Variants in TWSG1 observed in about 807,000 individuals in gnomAD.
TWSG1 encodes the protein twisted gastrulation protein homolog 1.
A neutral mutation model predicts 23.0 loss-of-function variants in TWSG1; 15 were observed. The ratio of observed to expected loss-of-function variants is 0.65; its 90% CI spans 0.44 to 1.00. TWSG1 has a LOEUF of 1.00. Among genes scored for constraint, TWSG1 ranks in the 50% least tolerant of loss-of-function variants. TWSG1 has a pLI of 0.00. For synonymous variants in TWSG1, 86 were observed against 92.8 expected (o/e 0.93, Z 0.42); for missense variants, 242 against 278.7 (o/e 0.87, Z 0.94).
At chr18:9,389,198 A>G (rs2040699954) in intron 3 of TWSG1, among the ~76,000 whole-genome samples, 1 of 151,574 alleles carries the variant, frequency 6.6e-6, no homozygotes, top group South Asian at 2.1e-4. Flanking sequence ...CTGGTCTCGA[A>G]CTCCTGACCT....
chr18:9,365,474 C>A (rs1006791128), intron 3 of TWSG1, among the ~76,000 whole-genome samples: 41 of 152,016 alleles, frequency 2.7e-4, no homozygotes, highest in African/African-American at 9.4e-4. Context: ...TGAGACCAAC[C>A]TGGGCAACAT....
At chr18:9,345,024 G>A (rs527662590) in intron 2 of TWSG1, among the ~76,000 whole-genome samples, 5 of 152,246 alleles carry the variant, frequency 3.3e-5, no homozygotes, top group Admixed American at 6.5e-5. Context: ...CTCTCAAAGC[G>A]CTGGAATTAC....
At chr18:9,339,040 A>G (rs1461395358) in intron 2 of TWSG1, among the ~76,000 whole-genome samples, 3 of 151,900 alleles carry the variant, frequency 2.0e-5, no homozygotes, top group Non-Finnish European at 4.4e-5. Context: ...CTCTACAACA[A>G]ATAGTTTTTT....
intron 2 of TWSG1, among the ~76,000 whole-genome samples, chr18:9,350,028 T>C (rs1487487624): frequency 6.6e-6 from 1 of 152,070 alleles, no homozygotes; most frequent in East Asian, 1.9e-4. Flanking sequence ...TAATCCCAGC[T>C]ACTCAGGAGG....
At position 9,400,179 on chromosome 18, in the gene TWSG1, A is replaced by G. The variant is rs2040756314; in HGVS notation, c.*652A>G. 6.6e-6 allele frequency: 1 copy of G among 152,204 alleles called. No homozygotes were observed. Among genetic ancestry groups the G allele is most frequent in the African/African-American group, 2.4e-5 (1 of 41,454 alleles). 9.4% of individuals were successfully genotyped at this position (152,204 alleles called of 1,614,324 possible). A position where few individuals can be genotyped will look rare whatever the true frequency, so the allele number is the denominator to read the frequency against. On this transcript the variant is annotated 3_prime_UTR_variant, in exon 5 of 5. Coordinates refer to ENST00000262120, the MANE Select transcript of TWSG1 (RefSeq NM_020648.6). ...GACAAAGCTTTAGAGAAAGTTTCCT[A>G]TTCTCTTCCATTTCCCCTGCCCAAA... is the stretch of plus-strand genomic sequence containing the variant.
At chr18:9,365,107 G>C (rs2040571710) in intron 3 of TWSG1, among the ~76,000 whole-genome samples, 1 of 152,014 alleles carries the variant, frequency 6.6e-6, no homozygotes, top group African/African-American at 2.4e-5. Context: ...GATCACTTGA[G>C]CCCAGGAGTT....
At chr18:9,349,462 A>G (rs1162316809) in intron 2 of TWSG1, among the ~76,000 whole-genome samples, 2 of 152,202 alleles carry the variant, frequency 1.3e-5, no homozygotes, top group African/African-American at 4.8e-5. Context: ...TGCTAAATTG[A>G]CAGTCTGCTT....
intron 2 of TWSG1, among the ~76,000 whole-genome samples, chr18:9,338,432 A>C (rs1301681159): frequency 6.6e-6 from 1 of 152,222 alleles, no homozygotes; most frequent in Non-Finnish European, 1.5e-5. Flanking sequence ...TAGTTACTGC[A>C]GTCACTACCT....
intron 4 of TWSG1, among the ~76,000 whole-genome samples, chr18:9,397,322 T>C (rs2040742092): frequency 6.6e-6 from 1 of 152,224 alleles, no homozygotes; most frequent in Non-Finnish European, 1.5e-5. Context: ...CCAAAGTCAT[T>C]AGCTAAATTT....
intron 3 of TWSG1, among the ~76,000 whole-genome samples, chr18:9,365,090 G>A (rs1454250343): frequency 6.6e-6 from 1 of 152,176 alleles, no homozygotes; most frequent in African/African-American, 2.4e-5. Context: ...GGAGGCCACA[G>A]AAGGAGGATC....
intron 3 of TWSG1, among the ~76,000 whole-genome samples, chr18:9,363,923 C>T (rs773146733): frequency 3.9e-5 from 6 of 152,144 alleles, no homozygotes; most frequent in East Asian, 1.9e-4. Flanking sequence ...CCACCGCACC[C>T]GGCCATTTAA....
At position 9,401,974 on chromosome 18, in the gene TWSG1, A is replaced by C. The variant is rs916769102; in HGVS notation, c.*2447A>C. 3.3e-5 allele frequency: 5 copies of C among 152,250 alleles called. No individual in the cohort carries two copies. Among genetic ancestry groups the C allele is most frequent in the Middle Eastern group, 3.4e-3 (1 of 294 alleles). The allele number at this position is 152,250 out of a possible 1,614,324, so 9.4% of individuals were successfully genotyped here. A position where few individuals can be genotyped will look rare whatever the true frequency, so the allele number is the denominator to read the frequency against. On this transcript the variant is annotated 3_prime_UTR_variant, in exon 5 of 5. Coordinates refer to ENST00000262120, the MANE Select transcript of TWSG1 (RefSeq NM_020648.6). ...TATAGTAAGACTTGTGCTTGTTAGC[A>C]GGTTTTTCTGTTAGTTTTTCCCCCA...
chr18:9,351,188 C>G (rs182885749), intron 2 of TWSG1, among the ~76,000 whole-genome samples: 18 of 151,934 alleles, frequency 1.2e-4, no homozygotes, highest in African/African-American at 3.9e-4. Flanking sequence ...CTTAAGAAGT[C>G]ATAATATCCA....
intron 3 of TWSG1, chr18:9,388,155 G>A (rs561456457): frequency 6.6e-6 from 1 of 152,218 alleles, no homozygotes; most frequent in Admixed American, 6.5e-5. Context: ...CCTTTAACTT[G>A]TTCCTCTGCC....
intron 4 of TWSG1, chr18:9,396,981 C>CTTTT: frequency 5.9e-6 from 1 of 170,376 alleles, no homozygotes; most frequent in Non-Finnish European, 1.2e-5. Context: ...TTGCTTGAAC[C>CTTTT]TGAGAGTCGG....
intron 2 of TWSG1, among the ~76,000 whole-genome samples, chr18:9,348,784 G>A (rs984144203): frequency 4.6e-5 from 7 of 152,338 alleles, no homozygotes; most frequent in African/African-American, 1.7e-4. Flanking sequence ...CCCTTGTAGA[G>A]AGAATTTAGG....
At position 9,397,946 on chromosome 18, in the gene TWSG1, G is replaced by A. The variant is rs956628241; in HGVS notation, c.490+1400G>A. Among the ~76,000 whole-genome samples the A allele has an allele frequency of 2.7e-5, 4 of 148,330 alleles. No individual in the cohort carries two copies. In the South Asian group the frequency reaches 8.5e-4, roughly 32 times the overall value. ...TTGAGCCTGGGAGGTGGAGGTTGCG[G>A]TGAGCCGAGATCGCGCCATTGCACT... On this transcript the variant is annotated intron_variant, in intron 4 of 4. Transcript: ENST00000262120.
chr18:9,337,091 T>G, intron 1 of TWSG1, 102 bp from the exon 2 acceptor site: 5 of 1,046,084 alleles, frequency 4.8e-6, no homozygotes, highest in Non-Finnish European at 6.9e-6. Context: ...AAAAGTATAT[T>G]GACACAAACA....
intron 1 of TWSG1, among the ~76,000 whole-genome samples, chr18:9,335,165 G>C (rs2040416254): frequency 6.6e-6 from 1 of 152,114 alleles, no homozygotes; most frequent in Non-Finnish European, 1.5e-5. Context: ...GCCGGCCCGC[G>C]TCCTCCGCAG....
Sources: gnomAD v4.1 joint callset for allele counts (sites outside exome capture counted in the v4.1 genomes callset) on GRCh38, gnomAD v4.1.1 for gene constraint, MANE v1.5 for transcripts, NCBI Gene and HGNC (gene_info 2026-07-23, HGNC 2026-07-21) for gene names.